Variants in DHX29 observed in about 807,000 individuals in gnomAD.
The protein encoded by DHX29 is DExH-box helicase 29.
DHX29 carries 79 observed loss-of-function variants against 167.9 expected under a neutral mutation model. The observed-to-expected ratio is 0.47, with a 90% CI of 0.39 to 0.57. The LOEUF (loss-of-function observed/expected upper bound fraction) is 0.57, where lower values mean the gene tolerates loss of function less well. Among genes scored for constraint, DHX29 ranks in the 20% least tolerant of loss-of-function variants. The pLI is 0.00. For synonymous variants in DHX29, 530 were observed against 546.0 expected, an observed-to-expected ratio of 0.97 and a Z score of 0.41; for missense variants, 1,347 against 1,593.4, an observed-to-expected ratio of 0.85 and a Z score of 2.63.
chr5:55,293,096 G>A (rs544098950), intron 6 of DHX29, among the ~76,000 whole-genome samples: 80 of 152,224 alleles, frequency 5.3e-4, no homozygotes, highest in South Asian at 1.9e-3. Context: ...ATGTAAAAAA[G>A]CAAATACGTA....
At position 55,294,013 on chromosome 5, in the gene DHX29, T is replaced by C; in HGVS notation, c.780+4A>G. ...TTAGAAGCCTAACACAAATTTCTAC[T>C]CACAGGGTCAAATTTTTCCTCCTCT... On this transcript the variant is annotated splice_donor_region_variant and intron_variant, in intron 6 of 26. Transcript: ENST00000251636. 6.2e-7 allele frequency: 1 copy of C among 1,603,832 alleles called. No individual in the cohort carries two copies.
chr5:55,264,275 T>C (rs539970871), intron 23 of DHX29, among the ~76,000 whole-genome samples: 1 of 152,310 alleles, frequency 6.6e-6, no homozygotes, highest in South Asian at 2.1e-4. Flanking sequence ...ACTTCTACTC[T>C]CTCTCTTCCC....
Position 55,285,190 on chromosome 5 carries a change from T to C in DHX29, c.1356+103A>G, listed in dbSNP as rs999296488. 119 of 1,486,076 alleles carry C rather than the reference T, an allele frequency of 8.0e-5. 1 individual carries two copies. The highest frequency in any genetic ancestry group is 4.2e-4 in the Middle Eastern group (2 of 4,812). 92.1% of individuals were successfully genotyped at this position (1,486,076 alleles called of 1,614,324 possible). On this transcript the variant is annotated intron_variant, in intron 10 of 26. Transcript: ENST00000251636. ...TGAAAGGAAGCCAAATTAGGAATAA[T>C]GAGAAAGGATTAATCAGAAGAAACA...
chr5:55,259,986 G>A (rs1213649923), intron 25 of DHX29, 42 bp from the exon 26 acceptor site: 1 of 1,210,080 alleles, frequency 8.3e-7, no homozygotes, highest in Admixed American at 1.8e-5. Flanking sequence ...TCAATCCAGG[G>A]CAGTGTGAAT....
In DHX29 at chr5:55,270,442, T is replaced by A. The variant is rs769280893; in HGVS notation, c.3039A>T (p.Val1013=). 1.2e-6 allele frequency: 2 copies of A among 1,611,878 alleles called. No individual in the cohort carries two copies. Among genetic ancestry groups the A allele is most frequent in the African/African-American group, 2.7e-5 (2 of 74,840 alleles). The stretch of plus-strand genomic sequence containing the variant: ...TATGAAGGCATAATTCCTCCAAAGG[T>A]ACACGTAAGATTTCAGGAACAGAAT... ...MDYSVPEILR[V]PLEELCLHIM... The change falls in exon 20 of 27, where the codon GTA becomes GTT. Residue 1013 remains valine (V), a synonymous_variant. Coordinates refer to ENST00000251636, the MANE Select transcript of DHX29 (RefSeq NM_019030.4).
rs372672526 is a variant in DHX29 at position 55,303,148 on chromosome 5, CA to C, written c.187+4238del. Among the ~76,000 whole-genome samples the C allele has an allele frequency of 1.3e-3, 202 of 151,790 alleles. 2 individuals are homozygous for C. The Middle Eastern group carries it at 0.024, about 18-fold the overall frequency. ...CAACCAGAATCAGTTTCTTATTGCCCAATAATCTTTTCTTTTGCTACATATT... is the reference window on the plus strand; with the variant it reads ...CAACCAGAATCAGTTTCTTATTGCCCATAATCTTTTCTTTTGCTACATATT... On this transcript the variant is annotated intron_variant, in intron 1 of 26. Coordinates refer to ENST00000251636, the MANE Select transcript of DHX29 (RefSeq NM_019030.4).
At chr5:55,273,237 C>T (rs892989531) in intron 17 of DHX29, 56 bp downstream of exon 17, 20 of 1,488,030 alleles carry the variant, frequency 1.3e-5, no homozygotes, top group Non-Finnish European at 1.7e-5. Context: ...AGTTATACGG[C>T]CATCATAAAA....
intron 12 of DHX29, 61 bp downstream of exon 12, chr5:55,281,311 T>C (rs1747400180): frequency 7.2e-7 from 1 of 1,382,132 alleles, no homozygotes; most frequent in Non-Finnish European, 9.5e-7. Flanking sequence ...GTATTAGGAG[T>C]AACATCTTTT....
intron 7 of DHX29, 53 bp downstream of exon 7, chr5:55,290,165 C>A (rs1747965779): frequency 3.8e-6 from 6 of 1,564,878 alleles, no homozygotes; most frequent in Non-Finnish European, 5.2e-6. Context: ...CCAGGAAGGC[C>A]AACAAATAGA....
At chr5:55,296,092 G>T in intron 4 of DHX29, 128 bp downstream of exon 4, 1 of 1,011,982 alleles carries the variant, frequency 9.9e-7, no homozygotes, top group Non-Finnish European at 1.4e-6. Flanking sequence ...AGAACAGAAG[G>T]TAAGAACACT....
chr5:55,280,003 A>G (rs550767244), intron 12 of DHX29, among the ~76,000 whole-genome samples: 85 of 152,244 alleles, frequency 5.6e-4, no homozygotes, highest in African/African-American at 2.0e-3. Context: ...CCATCAAGAA[A>G]ACCTACTCAA....
In DHX29 at chr5:55,285,702, T is replaced by G. The variant is rs1747685367; in HGVS notation, c.1226A>C (p.Lys409Thr). The G allele has an allele frequency of 6.4e-7, 1 of 1,559,884 alleles. No individual in the cohort carries two copies. Reference protein sequence around the residue: ...FEKVPVGRYWKCRVRVIKSED... With the variant: ...FEKVPVGRYWTCRVRVIKSED... ...ACAACAACAAAAAACATACCTACAT[T>G]TCCAGTATCTACCTACTGGAACTTT... Residue 409 changes from lysine (K) to threonine (T), a missense_variant, in exon 9 of 27, where the codon AAA becomes ACA. Physicochemically the swap from Lys to Thr is moderately conservative, Grantham distance 78. Coordinates refer to ENST00000251636, the MANE Select transcript of DHX29 (RefSeq NM_019030.4).
At chr5:55,301,713 C>CAAAAAAAAAAAAAAAAAAAAAA (rs70992777) in intron 1 of DHX29, among the ~76,000 whole-genome samples, 1 of 64,742 alleles carries the variant, frequency 1.5e-5, no homozygotes, top group African/African-American at 5.6e-5. Context: ...AACTCCATCT[C>CAAAAAAAAAAAAAAAAAAAAAA]AAAAAAAAAA....
At chr5:55,299,851 A>T (rs1748513542) in intron 1 of DHX29, among the ~76,000 whole-genome samples, 1 of 152,122 alleles carries the variant, frequency 6.6e-6, no homozygotes, top group Non-Finnish European at 1.5e-5. Context: ...AACCCACTAC[A>T]GTTGCCAAGT....
At chr5:55,305,446 T>G (rs1348573799) in intron 1 of DHX29, among the ~76,000 whole-genome samples, 1 of 152,198 alleles carries the variant, frequency 6.6e-6, no homozygotes, top group African/African-American at 2.4e-5. Context: ...ATTAAAAGGT[T>G]AGAAAGAGGG....
chr5:55,300,098 G>A (rs1427011519), intron 1 of DHX29, among the ~76,000 whole-genome samples: 2 of 152,190 alleles, frequency 1.3e-5, no homozygotes, highest in Non-Finnish European at 2.9e-5. Flanking sequence ...CTGGCCAGGC[G>A]CAGTGGCTCA....
At chr5:55,286,026 G>A (rs181706366) in intron 8 of DHX29, among the ~76,000 whole-genome samples, 165 bp from the exon 9 acceptor site, 3 of 152,192 alleles carry the variant, frequency 2.0e-5, no homozygotes, top group East Asian at 3.9e-4. Flanking sequence ...AGGCCGAGGC[G>A]GGTAGATCAC....
intron 9 of DHX29, 42 bp downstream of exon 9, chr5:55,285,654 G>C (rs764300136): frequency 6.6e-7 from 1 of 1,515,950 alleles, no homozygotes; most frequent in Non-Finnish European, 8.9e-7. Context: ...TTTTTCTAAA[G>C]TTCATTCAGT....
intron 18 of DHX29, among the ~76,000 whole-genome samples, chr5:55,271,785 T>C (rs189623221): frequency 3.5e-4 from 53 of 152,312 alleles, no homozygotes; most frequent in African/African-American, 1.3e-3. Flanking sequence ...ATGCTTTTTG[T>C]TAAACAATTT....
Sources: allele counts gnomAD v4.1 joint callset (sites outside exome capture counted in the v4.1 genomes callset), GRCh38; gene constraint gnomAD v4.1.1; transcripts MANE v1.5; gene names NCBI Gene and HGNC (gene_info 2026-07-23, HGNC 2026-07-21).